The following FAF1 variants were observed in gnomAD, a reference collection of about 807,000 sequenced individuals.
The protein encoded by FAF1 is Fas associated factor 1, also known as FAS-associated factor 1.
A neutral mutation model predicts 92.5 loss-of-function variants in FAF1; 25 were observed. That is an observed-to-expected ratio of 0.27 (90% CI 0.20 to 0.38). The LOEUF is 0.38. Among genes scored for constraint, FAF1 ranks in the 10% least tolerant of loss-of-function variants. The pLI, the probability that FAF1 is intolerant of heterozygous loss-of-function variation, is 1.00. For synonymous variants in FAF1, 234 were observed against 273.2 expected (o/e 0.86, Z 1.42); for missense variants, 636 against 793.3 (o/e 0.80, Z 2.38).
chr1:50,865,286 C>T (rs1288308796), intron 1 of FAF1, among the ~76,000 whole-genome samples: 1 of 151,960 alleles, frequency 6.6e-6, no homozygotes, highest in Non-Finnish European at 1.5e-5. Flanking sequence ...GTGGCGATTC[C>T]TCAGGGATCT....
chr1:50,834,032 G>C (rs1189116734), intron 2 of FAF1, among the ~76,000 whole-genome samples: 2 of 152,208 alleles, frequency 1.3e-5, no homozygotes, highest in African/African-American at 4.8e-5. Context: ...GTTAGAGGAA[G>C]GGCCTGGTGG....
At chr1:50,498,718 C>T (rs898145714) in intron 15 of FAF1, among the ~76,000 whole-genome samples, 13 of 152,042 alleles carry the variant, frequency 8.6e-5, no homozygotes, top group Non-Finnish European at 1.3e-4. Flanking sequence ...GGTGTGGGGG[C>T]GCATGCCTAT....
chr1:50,797,125 G>A (rs1188419850), intron 3 of FAF1, among the ~76,000 whole-genome samples: 1 of 151,978 alleles, frequency 6.6e-6, no homozygotes, highest in African/African-American at 2.4e-5. Flanking sequence ...GACAGAGTGA[G>A]ACCTCATCTC....
At chr1:50,843,666 A>G (rs1024799436) in intron 2 of FAF1, among the ~76,000 whole-genome samples, 1 of 151,998 alleles carries the variant, frequency 6.6e-6, no homozygotes, top group African/African-American at 2.4e-5. Flanking sequence ...TATTTAACAT[A>G]ATGTCCTCCC....
chr1:50,920,334 T>C (rs1261101687), intron 1 of FAF1, among the ~76,000 whole-genome samples: 2 of 148,660 alleles, frequency 1.3e-5, no homozygotes, highest in East Asian at 2.0e-4. Context: ...AAAGAAAATA[T>C]GCTTTGGAAG....
rs535782052 is a variant in FAF1, at chr1:50,672,033, T to A, written c.658-16505A>T. ...GGGTGGTCTTTCTTTTTTTTTTTTT[T>A]ATTATTTATTTACTTATTTATTTAT... is the stretch of plus-strand genomic sequence containing the variant. On this transcript the variant is annotated intron_variant, in intron 7 of 18. Coordinates refer to ENST00000396153, the MANE Select transcript of FAF1 (RefSeq NM_007051.3). 6.7e-5 allele frequency among the ~76,000 whole-genome samples: 10 copies of A among 148,716 alleles called. No homozygotes were observed. The East Asian group carries it at 1.8e-3, about 26-fold the overall frequency.
At chr1:50,508,837 AT>A (rs1451043974) in intron 15 of FAF1, among the ~76,000 whole-genome samples, 55 of 152,308 alleles carry the variant, frequency 3.6e-4, no homozygotes, top group African/African-American at 1.3e-3. Context: ...AGTAGCAGGG[AT>A]TATAGGCATG....
intron 1 of FAF1, among the ~76,000 whole-genome samples, chr1:50,958,262 A>T (rs993274388): frequency 1.3e-5 from 2 of 152,246 alleles, no homozygotes; most frequent in Admixed American, 1.3e-4. Context: ...CTCCTTTATT[A>T]GTTTGGAGGT....
chr1:50,661,070 C>G (rs1450588045), intron 7 of FAF1, among the ~76,000 whole-genome samples: 1 of 151,866 alleles, frequency 6.6e-6, no homozygotes, highest in Non-Finnish European at 1.5e-5. Flanking sequence ...ATATAACAGA[C>G]ATCAAAAAGA....
At chr1:50,553,837 A>G (rs1323701854) in intron 13 of FAF1, among the ~76,000 whole-genome samples, 1 of 152,044 alleles carries the variant, frequency 6.6e-6, no homozygotes, top group Non-Finnish European at 1.5e-5. Flanking sequence ...AAAAGGATAA[A>G]GTTGAGGAAG....
chr1:50,560,898 C>G, intron 13 of FAF1, among the ~76,000 whole-genome samples: 1 of 152,238 alleles, frequency 6.6e-6, no homozygotes, highest in Non-Finnish European at 1.5e-5. Flanking sequence ...AGCTAAGAAT[C>G]CACAGCTCAG....
intron 3 of FAF1, among the ~76,000 whole-genome samples, chr1:50,797,525 C>A (rs980868036): frequency 1.3e-5 from 2 of 151,812 alleles, no homozygotes; most frequent in Non-Finnish European, 2.9e-5. Flanking sequence ...ATCATGAGAC[C>A]CCATCTCTAC....
intron 15 of FAF1, among the ~76,000 whole-genome samples, chr1:50,534,894 TAAGG>T (rs1345206399): frequency 6.6e-6 from 1 of 152,208 alleles, no homozygotes; most frequent in Non-Finnish European, 1.5e-5. Flanking sequence ...CTGAATATGT[TAAGG>T]AAGCTGAGAA....
chr1:50,525,824 G>C (rs375249217), intron 15 of FAF1, among the ~76,000 whole-genome samples: 1 of 152,104 alleles, frequency 6.6e-6, no homozygotes, highest in Non-Finnish European at 1.5e-5. Flanking sequence ...CAGAGTTACA[G>C]ATTATGTTGC....
At chr1:50,578,314 GT>G (rs1215957964) in intron 12 of FAF1, among the ~76,000 whole-genome samples, 1 of 152,126 alleles carries the variant, frequency 6.6e-6, no homozygotes, top group Non-Finnish European at 1.5e-5. Context: ...AGAAAATTTA[GT>G]AAGAGTGCCA....
chr1:50,871,272 T>C (rs966710868), intron 1 of FAF1, among the ~76,000 whole-genome samples: 29 of 152,362 alleles, frequency 1.9e-4, no homozygotes, highest in Admixed American at 1.7e-3. Context: ...AGTGCTGATG[T>C]AGAAGCTGTA....
intron 15 of FAF1, among the ~76,000 whole-genome samples, chr1:50,526,070 G>A (rs1270139571): frequency 6.6e-6 from 1 of 152,136 alleles, no homozygotes; most frequent in Non-Finnish European, 1.5e-5. Flanking sequence ...TTTCTAAACA[G>A]TAGAAGGTAA....
At chr1:50,486,689 A>T (rs2149005923) in intron 17 of FAF1, among the ~76,000 whole-genome samples, 1 of 152,276 alleles carries the variant, frequency 6.6e-6, no homozygotes, top group South Asian at 2.1e-4. Context: ...CTCTTGCATT[A>T]GACAGTAAGC....
chr1:50,540,632 C>G (rs1306145664), intron 13 of FAF1, among the ~76,000 whole-genome samples: 2 of 152,100 alleles, frequency 1.3e-5, no homozygotes, highest in Non-Finnish European at 2.9e-5. Context: ...ACTGATAAAG[C>G]TTTTCTCTTC....
Sources: allele counts gnomAD v4.1 joint callset (sites outside exome capture counted in the v4.1 genomes callset), GRCh38; gene constraint gnomAD v4.1.1; transcripts MANE v1.5; gene names NCBI Gene and HGNC (gene_info 2026-07-23, HGNC 2026-07-21).